SPOCD1: variants seen among roughly 807,000 people sequenced by gnomAD.
SPOCD1 encodes the protein SPOC domain containing 1.
SPOCD1 carries 64 observed loss-of-function variants against 92.2 expected under a neutral mutation model. The observed-to-expected ratio is 0.69, with a 90% CI of 0.57 to 0.86. The LOEUF (loss-of-function observed/expected upper bound fraction) is 0.86. SPOCD1 is among the 40% of genes least tolerant of loss of function. The pLI is 0.00. For synonymous variants in SPOCD1, 578 were observed against 619.3 expected (o/e 0.93, Z 0.99); for missense variants, 1,360 against 1,543.1 (o/e 0.88, Z 1.99).
At chr1:31,799,731 C>T in intron 6 of SPOCD1, 78 bp downstream of exon 6, 8 of 1,534,792 alleles carry the variant, frequency 5.2e-6, no homozygotes, top group South Asian at 1.1e-5. Context: ...AGGGGCTGGG[C>T]CCAGGAGCTG....
rs1183468720 is a variant in SPOCD1, at chr1:31,790,535, CCT to C, written c.*66_*67del. ...TGACCATCCTCTCCTTGCAGTCCCA[CCT>C]CTCTCTGGAACAGGCTTCAACACTA... On this transcript the variant is annotated 3_prime_UTR_variant, in exon 16 of 16. Coordinates refer to ENST00000360482, the MANE Select transcript of SPOCD1 (RefSeq NM_144569.7). 2.8e-6 allele frequency: 4 copies of C among 1,421,352 alleles called. No homozygotes were observed. The highest frequency in any genetic ancestry group is 3.8e-6 in the Non-Finnish European group (4 of 1,044,114). The allele number at this position is 1,421,352 out of a possible 1,614,324, so 88.0% of individuals were successfully genotyped here. A position where few individuals can be genotyped will look rare whatever the true frequency, so the allele number is the denominator to read the frequency against.
rs115152895 is a variant in SPOCD1 at position 31,798,901 on chromosome 1, C to T, written c.1869-300G>A. The T allele has an allele frequency of 1.4e-5, 8 of 563,594 alleles. No homozygotes were observed. The highest frequency in any genetic ancestry group is 3.8e-5 in the African/African-American group (2 of 52,800). The allele number at this position is 563,594 out of a possible 1,614,324, so 34.9% of individuals were successfully genotyped here. A position where few individuals can be genotyped will look rare whatever the true frequency, so the allele number is the denominator to read the frequency against. ...CTGTCTGACTCACCAGCCTGTGCCC[C>T]GTCTCTGGCTCACGGGATGTGTGGA... is the stretch of plus-strand genomic sequence containing the variant. On this transcript the variant is annotated intron_variant, in intron 7 of 15. Transcript: ENST00000360482. The surrounding 1 kb of genome is among the most constrained non-coding windows in gnomAD (Gnocchi z 4.1).
intron 2 of SPOCD1, among the ~76,000 whole-genome samples, chr1:31,809,117 A>AG (rs1227490581): frequency 6.6e-6 from 1 of 152,158 alleles, no homozygotes; most frequent in African/African-American, 2.4e-5. Context: ...TGAACCTGGG[A>AG]GGGGGAGGTT....
intron 11 of SPOCD1, 32 bp downstream of exon 11, chr1:31,794,092 C>A: frequency 6.2e-7 from 1 of 1,600,246 alleles, no homozygotes; most frequent in Middle Eastern, 1.8e-4. Flanking sequence ...GCCTGGCTGC[C>A]ACCCCTGCAC....
chr1:31,799,018 T>A (rs919131339), intron 7 of SPOCD1, among the ~76,000 whole-genome samples: 2 of 152,186 alleles, frequency 1.3e-5, no homozygotes, highest in African/African-American at 4.8e-5. Flanking sequence ...ATTGACTTGC[T>A]GTGTGGCCTT....
chr1:31,801,559 C>A, intron 3 of SPOCD1, 105 bp downstream of exon 3: 1 of 1,013,210 alleles, frequency 9.9e-7, no homozygotes. Context: ...GGAGGGCAGG[C>A]TGGGTGGGGG....
chr1:31,795,664 C>A (rs1050574380), intron 10 of SPOCD1: 1 of 152,226 alleles, frequency 6.6e-6, no homozygotes, highest in Non-Finnish European at 1.5e-5. Context: ...GGTAGAGGTT[C>A]TCCCAGTCGT....
Position 31,794,137 on chromosome 1 carries a change from G to A in SPOCD1, c.2370C>T (p.Cys790=). ...GTCCCCTCCCACCCTTGCAGATGTG[G>A]CAGTTGGGGTCTAAGAAGTGGTGGT... is the stretch of plus-strand genomic sequence containing the variant. ...QHDHHFLDPN[C]HICKDWEPSN... is the part of the protein sequence containing the mutation. Residue 790 remains cysteine (C), a synonymous_variant, in exon 11 of 16, where the codon TGC becomes TGT. Coordinates refer to ENST00000360482, the MANE Select transcript of SPOCD1 (RefSeq NM_144569.7). 9 of 1,613,978 alleles carry A rather than the reference G, an allele frequency of 5.6e-6. No individual in the cohort carries two copies. The highest frequency in any genetic ancestry group is 6.8e-6 in the Non-Finnish European group (8 of 1,179,942).
intron 2 of SPOCD1, among the ~76,000 whole-genome samples, chr1:31,806,968 A>G (rs112155977): frequency 6.4e-4 from 98 of 152,332 alleles, no homozygotes; most frequent in Middle Eastern, 3.4e-3. Context: ...CAAGTGTTCA[A>G]TAGACACAAG....
intron 6 of SPOCD1, 114 bp downstream of exon 6, chr1:31,799,695 G>T: frequency 7.4e-7 from 1 of 1,355,708 alleles, no homozygotes; most frequent in Non-Finnish European, 1.0e-6. Context: ...TAGGCTGATG[G>T]GATGTGGGGA....
At position 31,814,678 on chromosome 1, in the gene SPOCD1, T is replaced by C; in HGVS notation, c.656A>G (p.Glu219Gly). 1 of 1,568,768 alleles carries C rather than the reference T, an allele frequency of 6.4e-7. No individual in the cohort carries two copies. ...CCACAGGAAGTCACCAGCCCCTTCC[T>C]CACACTCTGAATGAGCCCCTTGCCT... ...WRRQGAHSEC[E>G]EGAGDFLWLD... The change falls in exon 2 of 16, where the codon GAG becomes GGG. Residue 219 changes from glutamate to glycine, a missense_variant. Glu to Gly is a moderately conservative substitution (Grantham distance 98). Coordinates refer to ENST00000360482, the MANE Select transcript of SPOCD1 (RefSeq NM_144569.7). The surrounding 1 kb of genome is among the most constrained non-coding windows in gnomAD (Gnocchi z 4.2).
chr1:31,791,263 G>C lies in SPOCD1; in HGVS notation c.2991C>G (p.Leu997=). Residue 997 remains leucine (L), a synonymous_variant, in exon 16 of 16, where the codon CTC becomes CTG. Transcript: ENST00000360482. ...PGLWALPVSP[L]LSPGLEVTHS... is the part of the protein sequence containing the mutation. ...GAGTGACCTCCAGACCTGGGGAAAG[G>C]AGAGGGGAGACAGGAAGAGCCCAAA... 6.4e-7 allele frequency: 1 copy of C among 1,552,736 alleles called. No homozygotes were observed. Among genetic ancestry groups the C allele is most frequent in the African/African-American group, 1.4e-5 (1 of 73,064 alleles).
chr1:31,791,094 T>C lies in SPOCD1; in HGVS notation c.3160A>G (p.Arg1054Gly). The C allele has an allele frequency of 6.2e-7, 1 of 1,613,004 alleles. No individual in the cohort carries two copies. The highest frequency in any genetic ancestry group is 8.5e-7 in the Non-Finnish European group (1 of 1,179,922). Residue 1054 changes from arginine (R) to glycine (G), a missense_variant, in exon 16 of 16, where the codon AGG (arginine) becomes GGG (glycine). Arg to Gly is a moderately radical substitution (Grantham distance 125). Around this residue, in one of 3 missense-constraint regions of SPOCD1, gnomAD observed 614 missense variants for 757.8 expected, o/e 0.81. Transcript: ENST00000360482. The stretch of plus-strand genomic sequence containing the variant: ...GTGCCCTTCAGGGGCACATTCGGCC[T>C]CCTGTCATCTGGCTGATAGTATCTC... ...EKRYYQPDDR[R>G]PNVPLKGTPP... is the part of the protein sequence containing the mutation.
chr1:31,803,762 GAGGAGAAGAAAAGAA>G (rs1312671188), intron 2 of SPOCD1, among the ~76,000 whole-genome samples: 1 of 147,820 alleles, frequency 6.8e-6, no homozygotes, highest in Non-Finnish European at 1.5e-5. Flanking sequence ...AAGGAAAGGA[GAGGAGAAGAAAAGAA>G]AGGAGAAGAA....
chr1:31,803,875 A>G (rs1648640683), intron 2 of SPOCD1, among the ~76,000 whole-genome samples: 1 of 151,872 alleles, frequency 6.6e-6, no homozygotes, highest in Non-Finnish European at 1.5e-5. Flanking sequence ...GAAAGAAGGA[A>G]GGAAGGAAGA....
chr1:31,806,194 A>G lies in SPOCD1; in HGVS notation c.1384-4489T>C, dbSNP rs150831485. Among the ~76,000 whole-genome samples the G allele has an allele frequency of 1.8e-3, 270 of 151,420 alleles. 1 individual carries two copies. Among genetic ancestry groups the G allele is most frequent in the African/African-American group, 6.0e-3 (250 of 41,518 alleles). On this transcript the variant is annotated intron_variant, in intron 2 of 15. Coordinates refer to ENST00000360482, the MANE Select transcript of SPOCD1 (RefSeq NM_144569.7). The stretch of plus-strand genomic sequence containing the variant: ...CATATATCTCTCTAACTATTGATAA[A>G]TAAAGCTGACAAAATAATCAGTAGG...
chr1:31,805,261 G>A (rs912690758), intron 2 of SPOCD1, among the ~76,000 whole-genome samples: 1 of 151,838 alleles, frequency 6.6e-6, no homozygotes, highest in Non-Finnish European at 1.5e-5. Context: ...TGGGATCACA[G>A]GTGTGAGCCC....
At position 31,814,513 on chromosome 1, in the gene SPOCD1, C is replaced by T; in HGVS notation, c.821G>A (p.Ser274Asn). The T allele has an allele frequency of 6.5e-7, 1 of 1,540,972 alleles. No individual in the cohort carries two copies. Among genetic ancestry groups the T allele is most frequent in the Non-Finnish European group, 8.8e-7 (1 of 1,140,964 alleles). ...TGSGPGEPGG[S>N]GAGCASGTEK... The stretch of plus-strand genomic sequence containing the variant: ...AGTCCCTGAGGCACATCCTGCCCCA[C>T]TTCCACCTGGCTCTCCAGGCCCAGA... Residue 274 changes from serine (S) to asparagine (N), a missense_variant, in exon 2 of 16, where the codon AGT becomes AAT. Around this residue, in one of 3 missense-constraint regions of SPOCD1, gnomAD observed 606 missense variants for 601.5 expected, o/e 1.01. Transcript: ENST00000360482. This position sits in a 1 kb window ranked among gnomAD's most constrained non-coding sequence, Gnocchi z 4.2.
At chr1:31,793,198 G>A in intron 13 of SPOCD1, 80 bp downstream of exon 13, 33 of 1,464,364 alleles carry the variant, frequency 2.3e-5, no homozygotes, top group Non-Finnish European at 3.0e-5. Context: ...TAGAATGCAT[G>A]AGTGAAAGAG....
Sources: allele counts gnomAD v4.1 joint callset (sites outside exome capture counted in the v4.1 genomes callset), GRCh38; gene constraint gnomAD v4.1.1; regional missense constraint gnomAD v4.1.1; non-coding constraint Gnocchi (gnomAD v3.1); transcripts MANE v1.5; gene names NCBI Gene and HGNC (gene_info 2026-07-23, HGNC 2026-07-21).